MACF1: variants seen among roughly 807,000 people sequenced by gnomAD.
The protein encoded by MACF1 is microtubule actin crosslinking factor 1, also known as microtubule-actin cross-linking factor 1.
A neutral mutation model predicts 854.8 loss-of-function variants in MACF1; 193 were observed. The ratio of observed to expected loss-of-function variants is 0.23; its 90% CI spans 0.20 to 0.25. MACF1 has a LOEUF of 0.25. Among genes scored for constraint, MACF1 ranks in the 10% least tolerant of loss-of-function variants. The pLI, the probability that MACF1 is intolerant of heterozygous loss-of-function variation, is 1.00. For synonymous variants in MACF1, 3,185 were observed against 3,226.7 expected (o/e 0.99, Z 0.44); for missense variants, 7,722 against 8,929.1 (o/e 0.86, Z 5.45).
intron 2 of MACF1, among the ~76,000 whole-genome samples, chr1:39,190,401 G>GTTTTTTTT (rs71057198): frequency 5.0e-4 from 53 of 105,960 alleles, no homozygotes; most frequent in Admixed American, 6.5e-4. Context: ...GTTTGTTTTT[G>GTTTTTTTT]TTTTTTTTTT....
At chr1:39,443,888 CT>C (rs1487236036) in intron 79 of MACF1, among the ~76,000 whole-genome samples, 1 of 152,078 alleles carries the variant, frequency 6.6e-6, no homozygotes, top group Non-Finnish European at 1.5e-5. Context: ...AAGAAGGAAA[CT>C]ACTTAAGGGG....
intron 2 of MACF1, among the ~76,000 whole-genome samples, chr1:39,112,296 G>A (rs925426977): frequency 2.6e-5 from 4 of 151,898 alleles, no homozygotes; most frequent in Non-Finnish European, 4.4e-5. Context: ...ATATTGGCCA[G>A]GCTGGTCTCA....
rs570312532 is a variant in MACF1 at position 39,300,720 on chromosome 1, G to A, written c.2634+358G>A. Among the ~76,000 whole-genome samples the A allele has an allele frequency of 9.9e-5, 15 of 152,126 alleles. No homozygotes were observed. The South Asian group carries it at 2.3e-3, about 23-fold the overall frequency. On this transcript the variant is annotated intron_variant, in intron 22 of 100. Coordinates refer to ENST00000564288, the MANE Select transcript of MACF1 (RefSeq NM_001394062.1). ...ACTAATTTGTAAATATCCCTTAAACGTACTTTTTCTATCCCTGCTAATATT... is the reference window on the plus strand; with the variant it reads ...ACTAATTTGTAAATATCCCTTAAACATACTTTTTCTATCCCTGCTAATATT...
chr1:39,092,866 C>A (rs1008047405), intron 2 of MACF1, among the ~76,000 whole-genome samples: 4 of 151,984 alleles, frequency 2.6e-5, no homozygotes, highest in Non-Finnish European at 5.9e-5. Flanking sequence ...TCACTGCAAC[C>A]TCCGCCTCCC....
chr1:39,091,504 AT>A (rs530996702), intron 2 of MACF1, among the ~76,000 whole-genome samples: 23 of 150,080 alleles, frequency 1.5e-4, no homozygotes, highest in African/African-American at 4.4e-4. Context: ...GCCCTTGATA[AT>A]TTTTTTTTTG....
chr1:39,092,853 A>G (rs2148122429), intron 2 of MACF1, among the ~76,000 whole-genome samples: 1 of 151,256 alleles, frequency 6.6e-6, no homozygotes, highest in Non-Finnish European at 1.5e-5. Context: ...GTGCCATCTC[A>G]GCTCACTGCA....
rs1489773926 is a variant in MACF1, at chr1:39,084,298, G to C, written c.80G>C (p.Arg27Thr). Residue 27 changes from arginine (R) to threonine (T), a missense_variant, in exon 2 of 94, where the codon AGG (arginine) becomes ACG (threonine). Physicochemically the swap from Arg to Thr is moderately conservative, Grantham distance 71 (BLOSUM62 -1). Transcript: ENST00000361689. This position sits in a 1 kb window ranked among gnomAD's most constrained non-coding sequence, Gnocchi z 5.2. ...TCTTGTCGGAGTGAGCGATCTTACA[G>C]GAGCGAGCGGTCGGGGAGCCTGTCT... 2 of 1,613,932 alleles carry C rather than the reference G, an allele frequency of 1.2e-6. No homozygotes were observed. Among genetic ancestry groups the C allele is most frequent in the East Asian group, 4.5e-5 (2 of 44,892 alleles).
intron 2 of MACF1, among the ~76,000 whole-genome samples, chr1:39,188,756 C>T (rs1644209814): frequency 6.6e-6 from 1 of 152,234 alleles, no homozygotes; most frequent in African/African-American, 2.4e-5. Flanking sequence ...AGGTGTTTGC[C>T]ACCATGCCTG....
chr1:39,249,325 C>T (rs1428945656), intron 2 of MACF1, among the ~76,000 whole-genome samples: 1 of 152,118 alleles, frequency 6.6e-6, no homozygotes, highest in Non-Finnish European at 1.5e-5. Context: ...GGGCAATTTA[C>T]TTAACCTCTT....
rs751751278 is a variant in MACF1 at position 39,335,482 on chromosome 1, A to T, written c.8894A>T (p.Gln2965Leu). The T allele has an allele frequency of 1.9e-6, 3 of 1,614,084 alleles. No homozygotes were observed. Among genetic ancestry groups the T allele is most frequent in the Non-Finnish European group, 2.5e-6 (3 of 1,180,036 alleles). Residue 2965 changes from glutamine (Q) to leucine (L), a missense_variant, in exon 37 of 101, where the codon CAA (glutamine) becomes CTA (leucine). Physicochemically the swap from Gln to Leu is moderately radical, Grantham distance 113 (BLOSUM62 -2). Coordinates refer to ENST00000564288, the MANE Select transcript of MACF1 (RefSeq NM_001394062.1). ...TTGCCGAGTGAGCAGGTTTTGCAGCAACCAATGAATGCTCGGGTGAAAAGT... is the reference window on the plus strand; with the variant it reads ...TTGCCGAGTGAGCAGGTTTTGCAGCTACCAATGAATGCTCGGGTGAAAAGT... ...GKLPSEQVLQ[Q>L]PMNARVKSKR...
At chr1:39,148,796 G>T (rs1004419200) in intron 2 of MACF1, among the ~76,000 whole-genome samples, 1 of 152,154 alleles carries the variant, frequency 6.6e-6, no homozygotes, top group African/African-American at 2.4e-5. Context: ...TTTTTAAAAA[G>T]ATAAATTCCT....
At chr1:39,305,683 T>A (rs1646158358) in intron 23 of MACF1, among the ~76,000 whole-genome samples, 1 of 152,232 alleles carries the variant, frequency 6.6e-6, no homozygotes, top group South Asian at 2.1e-4. Context: ...AGGGGACTAT[T>A]GTGAGGCGAC....
In MACF1 at chr1:39,293,459, A is replaced by G. The variant is rs761167036; in HGVS notation, c.1994A>G (p.Glu665Gly). The change falls in exon 18 of 101, where the codon GAA becomes GGA. Residue 665 changes from glutamate (E) to glycine (G), a missense_variant and splice_region_variant. By Grantham distance (98) the Glu-to-Gly change is moderately conservative. Transcript: ENST00000564288. ...TCTTATAATCCTTGCTTTGTCTAGG[A>G]AACTTCTAGCTTCCGGATGAGGCAC... The part of the protein sequence containing the change: ...KLETQYCKLK[E>G]TSSFRMRHLQ... 1 of 1,610,244 alleles carries G rather than the reference A, an allele frequency of 6.2e-7. No homozygotes were observed. The highest frequency in any genetic ancestry group is 8.5e-7 in the Non-Finnish European group (1 of 1,177,834).
At chr1:39,452,461 G>T in intron 86 of MACF1, 111 bp downstream of exon 86, 1 of 1,203,124 alleles carries the variant, frequency 8.3e-7, no homozygotes. Context: ...TAACAGAGTT[G>T]AAAATTGATA....
Position 39,227,931 on chromosome 1 carries a change from C to G in MACF1, c.110-3251C>G, listed in dbSNP as rs567025947. ...CATTAAGTCCCCCATATTTCCTGTC[C>G]CTACCCAGGTAGGCTTAACCTCTTA... On this transcript the variant is annotated intron_variant, in intron 1 of 100. Coordinates refer to ENST00000564288, the MANE Select transcript of MACF1 (RefSeq NM_001394062.1). 7.2e-5 allele frequency among the ~76,000 whole-genome samples: 11 copies of G among 152,272 alleles called. No homozygotes were observed. In the East Asian group the frequency reaches 1.5e-3, roughly 21 times the overall value.
chr1:39,485,025 CAGTCCAGT>C (rs1334316066), intron 100 of MACF1: 1 of 476,806 alleles, frequency 2.1e-6, no homozygotes, highest in Admixed American at 3.8e-5. Context: ...CCTCAGACAC[CAGTCCAGT>C]GTTGGGATGA....
Position 39,379,407 on chromosome 1 carries a change from A to G in MACF1, c.13481A>G (p.Lys4494Arg), listed in dbSNP as rs1649990134. The G allele has an allele frequency of 6.2e-7, 1 of 1,614,090 alleles. No homozygotes were observed. The change falls in exon 54 of 101, where the codon AAG becomes AGG. Residue 4494 changes from lysine (K) to arginine (R), a missense_variant. Coordinates refer to ENST00000564288, the MANE Select transcript of MACF1 (RefSeq NM_001394062.1). ...KSMDAMSSPT[K>R]TETVKAQAES... The stretch of plus-strand genomic sequence containing the variant: ...ATGGATGCCATGTCATCTCCAACCA[A>G]GACAGAAACAGTGAAAGCCCAAGCT...
intron 2 of MACF1, among the ~76,000 whole-genome samples, chr1:39,192,442 C>T (rs1452506907): frequency 6.6e-6 from 1 of 152,182 alleles, no homozygotes; most frequent in East Asian, 1.9e-4. Context: ...TACTGACGAT[C>T]CTGTTGAGGC....
chr1:39,388,453 C>T lies in MACF1; in HGVS notation c.15611C>T (p.Ala5204Val), dbSNP rs1050595600. The T allele has an allele frequency of 6.2e-7, 1 of 1,614,072 alleles. No individual in the cohort carries two copies. The highest frequency in any genetic ancestry group is 1.3e-5 in the African/African-American group (1 of 75,032). ...TTAGGTCTCAAAAGGGAGCTAGAAG[C>T]CCTGAACAAACAGTGTGGCAAACTG... is the stretch of plus-strand genomic sequence containing the variant. Reference protein sequence around the residue: ...DLLGLKRELEALNKQCGKLTE... With the variant: ...DLLGLKRELEVLNKQCGKLTE... The change falls in exon 58 of 101, where the codon GCC becomes GTC. Residue 5204 changes from alanine to valine, a missense_variant. Around this residue, in one of 15 missense-constraint regions of MACF1, gnomAD observed 2,807 missense variants for 3,235.8 expected, o/e 0.87. Coordinates refer to ENST00000564288, the MANE Select transcript of MACF1 (RefSeq NM_001394062.1).
Sources: allele counts gnomAD v4.1 joint callset (sites outside exome capture counted in the v4.1 genomes callset), GRCh38; gene constraint gnomAD v4.1.1; regional missense constraint gnomAD v4.1.1; non-coding constraint Gnocchi (gnomAD v3.1); transcripts MANE v1.5; gene names NCBI Gene and HGNC (gene_info 2026-07-23, HGNC 2026-07-21).